The following TSHZ2 variants were observed in gnomAD, a reference collection of about 807,000 sequenced individuals.
TSHZ2 encodes the protein teashirt homolog 2.
TSHZ2 carries 21 observed loss-of-function variants against 74.4 expected under a neutral mutation model. That is an observed-to-expected ratio of 0.28 (90% CI 0.20 to 0.41). The LOEUF is 0.41. Ranked by LOEUF, TSHZ2 falls within the 10% of genes least tolerant of loss-of-function variation. The probability of loss-of-function intolerance (pLI) is 1.00; values close to 1 mark genes in which losing one functional copy is unlikely to be tolerated. For synonymous variants in TSHZ2, 540 were observed against 515.3 expected (o/e 1.05, Z -0.65); for missense variants, 1,244 against 1,293.5 (o/e 0.96, Z 0.59).
intron 2 of TSHZ2, among the ~76,000 whole-genome samples, chr20:53,374,649 T>TTTTTG (rs1312044864): frequency 4.6e-5 from 7 of 152,132 alleles, no homozygotes; most frequent in Non-Finnish European, 1.5e-5. Flanking sequence ...CCAGAATCTG[T>TTTTTG]TTTTGTTTTG....
intron 1 of TSHZ2, among the ~76,000 whole-genome samples, chr20:53,190,024 G>A (rs1473452105): frequency 7.4e-6 from 1 of 136,004 alleles, no homozygotes; most frequent in East Asian, 2.2e-4. Context: ...GGTTGAGGTT[G>A]CTATGAGCCA....
Position 52,984,278 on chromosome 20 carries a change from G to A in TSHZ2, c.40+10945G>A, listed in dbSNP as rs75008309. On this transcript the variant is annotated intron_variant, in intron 1 of 2. Coordinates refer to ENST00000371497, the MANE Select transcript of TSHZ2 (RefSeq NM_173485.6). ...TGCCTGCCTTCCCGGAGCTTACATTGAGTGCGGAGGACAGACCAGGGACTA... is the reference window on the plus strand; with the variant it reads ...TGCCTGCCTTCCCGGAGCTTACATTAAGTGCGGAGGACAGACCAGGGACTA... 2.0e-5 allele frequency among the ~76,000 whole-genome samples: 3 copies of A among 152,290 alleles called. No individual in the cohort carries two copies. The East Asian group carries it at 5.8e-4, about 29-fold the overall frequency.
chr20:53,120,931 A>T (rs1986791245), intron 1 of TSHZ2, among the ~76,000 whole-genome samples: 1 of 152,244 alleles, frequency 6.6e-6, no homozygotes, highest in African/African-American at 2.4e-5. Context: ...CAAAATTGTC[A>T]TGATGCACTT....
At chr20:53,146,212 A>G (rs1987535425) in intron 1 of TSHZ2, among the ~76,000 whole-genome samples, 1 of 143,418 alleles carries the variant, frequency 7.0e-6, no homozygotes, top group African/African-American at 2.5e-5. Flanking sequence ...CTCAAAGTGA[A>G]CTCAAATCAT....
intron 2 of TSHZ2, among the ~76,000 whole-genome samples, chr20:53,269,236 G>GA (rs1175503563): frequency 1.3e-5 from 2 of 149,270 alleles, no homozygotes; most frequent in African/African-American, 2.5e-5. Flanking sequence ...ATCACCTAAA[G>GA]AAAAAAACCC....
chr20:53,327,010 A>G (rs1033401235), intron 2 of TSHZ2, among the ~76,000 whole-genome samples: 1 of 152,270 alleles, frequency 6.6e-6, no homozygotes, highest in Non-Finnish European at 1.5e-5. Context: ...TTTGAAATTG[A>G]GAAGGTTGTG....
At chr20:53,218,351 A>G (rs1989481292) in intron 1 of TSHZ2, among the ~76,000 whole-genome samples, 1 of 152,268 alleles carries the variant, frequency 6.6e-6, no homozygotes, top group Non-Finnish European at 1.5e-5. Context: ...CAAACTTTAC[A>G]ACAGTTGGCA....
intron 1 of TSHZ2, among the ~76,000 whole-genome samples, chr20:53,234,732 G>C (rs1243281363): frequency 2.0e-5 from 3 of 152,184 alleles, no homozygotes; most frequent in Non-Finnish European, 4.4e-5. Context: ...AAATAGCAAA[G>C]AGGTCAGTAT....
chr20:53,438,272 G>A (rs1230808194), intron 2 of TSHZ2, among the ~76,000 whole-genome samples: 2 of 151,734 alleles, frequency 1.3e-5, no homozygotes, highest in Non-Finnish European at 2.9e-5. Flanking sequence ...ACGACACCCC[G>A]CTAATTTTTT....
chr20:53,118,712 AAGC>A (rs1446757778), intron 1 of TSHZ2, among the ~76,000 whole-genome samples: 1 of 152,122 alleles, frequency 6.6e-6, no homozygotes, highest in Non-Finnish European at 1.5e-5. Flanking sequence ...GGGAAGCTGT[AAGC>A]AGCCAGCAGC....
intron 1 of TSHZ2, among the ~76,000 whole-genome samples, chr20:53,204,351 G>T (rs1482948625): frequency 7.0e-6 from 1 of 143,096 alleles, no homozygotes; most frequent in Non-Finnish European, 1.6e-5. Flanking sequence ...ATAACATGAT[G>T]ATATGATACT....
intron 2 of TSHZ2, among the ~76,000 whole-genome samples, chr20:53,416,842 C>T (rs1027725069): frequency 6.6e-6 from 1 of 152,234 alleles, no homozygotes; most frequent in Non-Finnish European, 1.5e-5. Flanking sequence ...ATTGCATCCC[C>T]AAATGTGAAC....
intron 2 of TSHZ2, among the ~76,000 whole-genome samples, chr20:53,274,089 G>C (rs1020925009): frequency 1.3e-5 from 2 of 152,134 alleles, no homozygotes; most frequent in Non-Finnish European, 2.9e-5. Context: ...GACCATCCTG[G>C]TGAGACCTCA....
intron 1 of TSHZ2, among the ~76,000 whole-genome samples, chr20:53,008,801 G>A (rs1982738620): frequency 6.6e-6 from 1 of 152,032 alleles, no homozygotes; most frequent in Admixed American, 6.6e-5. Flanking sequence ...AAGACCTCCA[G>A]TAGATGCCTG....
chr20:53,305,524 C>T (rs1978497141), intron 2 of TSHZ2, among the ~76,000 whole-genome samples: 1 of 152,164 alleles, frequency 6.6e-6, no homozygotes. Context: ...AAAAACGCTC[C>T]TTATACAAAT....
At chr20:53,341,147 G>A (rs550061216) in intron 2 of TSHZ2, among the ~76,000 whole-genome samples, 9 of 152,206 alleles carry the variant, frequency 5.9e-5, no homozygotes, top group African/African-American at 1.2e-4. Context: ...AGTATTTGTC[G>A]GGGCAGTGAG....
At chr20:53,038,908 G>GTTTT (rs1555817877) in intron 1 of TSHZ2, among the ~76,000 whole-genome samples, 2,337 of 148,040 alleles carry the variant, frequency 0.016, 60 homozygotes, top group African/African-American at 0.048. Flanking sequence ...TTGTTTGTTT[G>GTTTT]TTTTTGAGAT....
chr20:53,179,093 C>T (rs1033181683), intron 1 of TSHZ2: 4 of 151,958 alleles, frequency 2.6e-5, no homozygotes, highest in Admixed American at 1.3e-4. Context: ...AAATCTTTCT[C>T]ATTGAACGGG....
At chr20:53,454,300 A>C (rs919956166) in intron 2 of TSHZ2, among the ~76,000 whole-genome samples, 2 of 152,080 alleles carry the variant, frequency 1.3e-5, no homozygotes, top group African/African-American at 4.8e-5. Flanking sequence ...GTGGTGGCTC[A>C]CACCTGTAAT....
Sources: gnomAD v4.1 joint callset for allele counts (sites outside exome capture counted in the v4.1 genomes callset) on GRCh38, gnomAD v4.1.1 for gene constraint, MANE v1.5 for transcripts, NCBI Gene and HGNC (gene_info 2026-07-23, HGNC 2026-07-21) for gene names.